The following KIF20B variants were observed in gnomAD, a reference collection of about 807,000 sequenced individuals.
KIF20B encodes kinesin-like protein KIF20B.
Under a neutral mutation model 232.5 loss-of-function variants are expected in KIF20B, and 188 were observed. That is an observed-to-expected ratio of 0.81 (90% CI 0.72 to 0.91). The LOEUF (loss-of-function observed/expected upper bound fraction) is 0.91, where lower values mean the gene tolerates loss of function less well. Among genes scored for constraint, KIF20B ranks in the 40% least tolerant of loss-of-function variants. The probability of loss-of-function intolerance (pLI) is 0.00; values close to 1 mark genes in which losing one functional copy is unlikely to be tolerated. For synonymous variants in KIF20B, 712 were observed against 683.0 expected (o/e 1.04, Z -0.66); for missense variants, 2,154 against 2,055.9 (o/e 1.05, Z -0.92).
intron 23 of KIF20B, among the ~76,000 whole-genome samples, chr10:89,749,541 C>T (rs1377408522): frequency 2.0e-5 from 3 of 152,092 alleles, no homozygotes; most frequent in African/African-American, 7.2e-5. Flanking sequence ...AAAAGAAACC[C>T]TGTACCCATC....
At chr10:89,740,520 G>A (rs1005934607) in intron 21 of KIF20B, among the ~76,000 whole-genome samples, 1 of 152,114 alleles carries the variant, frequency 6.6e-6, no homozygotes, top group Non-Finnish European at 1.5e-5. Flanking sequence ...TTTGGTGGGT[G>A]GGACTGAAAT....
rs1269811404 is a variant in KIF20B at position 89,762,799 on chromosome 10, C to T, written c.4953C>T (p.Pro1651=). 1.9e-6 allele frequency: 3 copies of T among 1,612,924 alleles called. No individual in the cohort carries two copies. In the African/African-American group the frequency reaches 4.0e-5, roughly 22 times the overall value. ...GCTTPVTVKI[P]KARKRKSNEM... is the part of the protein sequence containing the mutation. ...CCACACCAGTGACAGTTAAGATTCC[C>T]AAGGCTCGGAAGAGGAAGAGTAATG... Residue 1651 remains proline (P), a synonymous_variant, in exon 29 of 33, where the codon CCC becomes CCT. Transcript: ENST00000371728.
At chr10:89,747,522 G>T (rs1841938986) in intron 23 of KIF20B, among the ~76,000 whole-genome samples, 2 of 151,052 alleles carry the variant, frequency 1.3e-5, no homozygotes, top group African/African-American at 4.9e-5. Flanking sequence ...TGAAGAAAAT[G>T]TGGCACATAT....
intron 6 of KIF20B, among the ~76,000 whole-genome samples, chr10:89,712,860 C>T (rs1842861696): frequency 6.6e-6 from 1 of 151,642 alleles, no homozygotes. Context: ...ATATTTTTAC[C>T]CTATTATTAT....
chr10:89,708,549 AACT>A (rs1222193075), intron 2 of KIF20B, among the ~76,000 whole-genome samples: 1 of 147,544 alleles, frequency 6.8e-6, no homozygotes, highest in Non-Finnish European at 1.5e-5. Flanking sequence ...TTTACTGTTA[AACT>A]ACTAGGGCCT....
At chr10:89,766,691 C>A (rs983364857) in intron 29 of KIF20B, among the ~76,000 whole-genome samples, 2 of 152,046 alleles carry the variant, frequency 1.3e-5, no homozygotes, top group African/African-American at 4.8e-5. Flanking sequence ...AGTATATTTT[C>A]AAGCTGATGT....
rs140968638 is a variant in KIF20B, at chr10:89,743,851, T to G, written c.3959T>G (p.Ile1320Ser). Residue 1320 changes from isoleucine (I) to serine (S), a missense_variant, in exon 22 of 33, where the codon ATT becomes AGT. Ile to Ser is a moderately radical substitution (Grantham distance 142). Transcript: ENST00000371728. ...RDEDKLLRIKINELEKKKNQC... is the reference protein window; with the variant it reads ...RDEDKLLRIKSNELEKKKNQC... ...GAGGATAAATTACTGAGGATTAAAA[T>G]TAATGAACTGGAGAAAAAGAAAAAC... 1 of 1,565,402 alleles carries G rather than the reference T, an allele frequency of 6.4e-7. No homozygotes were observed. Among genetic ancestry groups the G allele is most frequent in the African/African-American group, 1.4e-5 (1 of 72,878 alleles).
chr10:89,724,489 A>T lies in KIF20B; in HGVS notation c.1862+386A>T, dbSNP rs138791280. ...GGTTGCAGTGAGCTGAGATTGTGTC[A>T]CTGCACTCCAGCCTGGGCGACAGAG... On this transcript the variant is annotated intron_variant, in intron 14 of 32. Transcript: ENST00000371728. 3.0e-3 allele frequency among the ~76,000 whole-genome samples: 457 copies of T among 152,290 alleles called. 3 individuals carry two copies. Among genetic ancestry groups the T allele is most frequent in the African/African-American group, 0.01 (428 of 41,560 alleles).
Position 89,739,043 on chromosome 10 carries a change from C to T in KIF20B, c.3862C>T (p.Leu1288=), listed in dbSNP as rs766070278. The T allele has an allele frequency of 8.1e-6, 13 of 1,613,238 alleles. No homozygotes were observed. The highest frequency in any genetic ancestry group is 1.7e-5 in the Admixed American group (1 of 59,964). ...GAGGAAGGAAGAAGATTATGCTGACCTGAAAGAGAAACTGACTGATGCCAA... is the reference window on the plus strand; with the variant it reads ...GAGGAAGGAAGAAGATTATGCTGACTTGAAAGAGAAACTGACTGATGCCAA... ...LQRKEEDYAD[L]KEKLTDAKKQ... Residue 1288 remains leucine (L), a synonymous_variant, in exon 21 of 33, where the codon CTG becomes TTG. Coordinates refer to ENST00000371728, the MANE Select transcript of KIF20B (RefSeq NM_001284259.2).
rs764195712 is a variant in KIF20B, at chr10:89,768,759, A to G, written c.5113A>G (p.Lys1705Glu). ...TTAGGTTGCCATACGTCCATCATCTAAGAAAACATATTCTTTACGGAGTCA... is the reference window on the plus strand; with the variant it reads ...TTAGGTTGCCATACGTCCATCATCTGAGAAAACATATTCTTTACGGAGTCA... ...EQKVAIRPSS[K>E]KTYSLRSQAS... The change falls in exon 31 of 33, where the codon AAG becomes GAG. Residue 1705 changes from lysine (K) to glutamate (E), a missense_variant. Transcript: ENST00000371728. The G allele has an allele frequency of 6.3e-7, 1 of 1,590,764 alleles. No homozygotes were observed. Among genetic ancestry groups the G allele is most frequent in the Admixed American group, 1.9e-5 (1 of 53,230 alleles).
chr10:89,749,462 A>G (rs1435483978), intron 23 of KIF20B, among the ~76,000 whole-genome samples: 1 of 152,204 alleles, frequency 6.6e-6, no homozygotes, highest in Non-Finnish European at 1.5e-5. Context: ...TTGTACAACC[A>G]TCACCACTAT....
chr10:89,757,040 G>GTATATATATATATATATATATATATA (rs34325599), intron 26 of KIF20B, among the ~76,000 whole-genome samples: 9 of 110,750 alleles, frequency 8.1e-5, no homozygotes, highest in Non-Finnish European at 1.5e-4. Context: ...GTGTGTGTGT[G>GTATATATATATATATATATATATATA]TATATATATA....
chr10:89,754,919 A>G (rs1842091260), intron 26 of KIF20B, among the ~76,000 whole-genome samples: 1 of 152,230 alleles, frequency 6.6e-6, no homozygotes, highest in African/African-American at 2.4e-5. Flanking sequence ...TAGATACTGA[A>G]GTAAAAAATC....
At chr10:89,746,110 T>C (rs988203041) in intron 23 of KIF20B, 151 bp downstream of exon 23, 8 of 626,306 alleles carry the variant, frequency 1.3e-5, no homozygotes, top group Non-Finnish European at 2.3e-5. Context: ...GTGTGGGCTC[T>C]GACCCTGTGG....
intron 17 of KIF20B, among the ~76,000 whole-genome samples, chr10:89,728,905 TTGTGTGTGTGTGTGTGTGTGTG>T (rs71022581): frequency 1.4e-5 from 2 of 138,024 alleles, no homozygotes; most frequent in Non-Finnish European, 3.1e-5. Context: ...TCTTTTTTCT[TTGTGTGTGTGTGTGTGTGTGTG>T]TGTGTGTGTG....
chr10:89,755,707 G>A (rs76344721), intron 26 of KIF20B, among the ~76,000 whole-genome samples: 1 of 151,740 alleles, frequency 6.6e-6, no homozygotes, highest in Non-Finnish European at 1.5e-5. Flanking sequence ...AATCTTTCCA[G>A]CTCAGCCTCC....
At chr10:89,732,411 C>T (rs1017484908) in intron 18 of KIF20B, among the ~76,000 whole-genome samples, 1 of 151,994 alleles carries the variant, frequency 6.6e-6, no homozygotes, top group Non-Finnish European at 1.5e-5. Context: ...GCAGGAGCCC[C>T]TGTGCTTGGT....
intron 23 of KIF20B, among the ~76,000 whole-genome samples, chr10:89,747,311 T>C (rs1037125767): frequency 4.6e-5 from 7 of 151,988 alleles, no homozygotes; most frequent in Non-Finnish European, 8.8e-5. Flanking sequence ...GTTCAACCAT[T>C]GTGGAAGTCA....
chr10:89,751,389 A>C lies in KIF20B; in HGVS notation c.4140A>C (p.Thr1380=), dbSNP rs373371018. 6.2e-7 allele frequency: 1 copy of C among 1,607,838 alleles called. No homozygotes were observed. Among genetic ancestry groups the C allele is most frequent in the African/African-American group, 1.3e-5 (1 of 74,770 alleles). The stretch of plus-strand genomic sequence containing the variant: ...AAATAATTGAAGACATGCGAATGAC[A>C]CTAGAAGAACAGGAACAAACTCAGG... ...KEKIIEDMRM[T]LEEQEQTQVE... The change falls in exon 24 of 33, where the codon ACA becomes ACC. Residue 1380 remains threonine, a synonymous_variant. Coordinates refer to ENST00000371728, the MANE Select transcript of KIF20B (RefSeq NM_001284259.2).
Sources: allele counts gnomAD v4.1 joint callset (sites outside exome capture counted in the v4.1 genomes callset), GRCh38; gene constraint gnomAD v4.1.1; transcripts MANE v1.5; gene names NCBI Gene and HGNC (gene_info 2026-07-23, HGNC 2026-07-21).